SPOUT1: variants seen among roughly 807,000 people sequenced by gnomAD.
The protein encoded by SPOUT1 is SPOUT domain containing methyltransferase 1, also known as 28S rRNA (uridine-N(3))-methyltransferase.
Under a neutral mutation model 54.8 loss-of-function variants are expected in SPOUT1, and 40 were observed. The ratio of observed to expected loss-of-function variants is 0.73; its 90% CI spans 0.57 to 0.95. The LOEUF is 0.95. SPOUT1 is among the 40% of genes least tolerant of loss of function. The probability of loss-of-function intolerance (pLI) is 0.00; values close to 1 mark genes in which losing one functional copy is unlikely to be tolerated. For synonymous variants in SPOUT1, 193 were observed against 200.3 expected (o/e 0.96, Z 0.31); for missense variants, 437 against 499.5 (o/e 0.87, Z 1.19).
rs371997855 is a variant in SPOUT1, at chr9:128,822,691, C to T, written c.*74G>A. On this transcript the variant is annotated 3_prime_UTR_variant, in exon 12 of 12. Transcript: ENST00000361256. ...TGATTTTTGGAGACAAGTCTGGTGGCGTCCGTCCCAAGTGACCTGCAGAGC... is the reference window on the plus strand; with the variant it reads ...TGATTTTTGGAGACAAGTCTGGTGGTGTCCGTCCCAAGTGACCTGCAGAGC... 2.9e-5 allele frequency: 45 copies of T among 1,553,300 alleles called. No individual in the cohort carries two copies. The South Asian group carries it at 4.0e-4, about 14-fold the overall frequency.
rs753453349 is a variant in SPOUT1, at chr9:128,826,632, GGAGA to G, written c.369-7_369-4del. The G allele has an allele frequency of 3.2e-6, 5 of 1,546,558 alleles. No individual in the cohort carries two copies. Among genetic ancestry groups the G allele is most frequent in the Admixed American group, 3.8e-5 (2 of 52,026 alleles). ...CTGTGAATTCCCCCTCCACAGTCCT[GGAGA>G]GAGAGAGATGGGGGCTCAGGATCCA... On this transcript the variant is annotated splice_region_variant and splice_polypyrimidine_tract_variant and intron_variant, in intron 4 of 11. Coordinates refer to ENST00000361256, the MANE Select transcript of SPOUT1 (RefSeq NM_016390.4). This position sits in a 1 kb window ranked among gnomAD's most constrained non-coding sequence, Gnocchi z 5.5.
intron 11 of SPOUT1, 123 bp downstream of exon 11, chr9:128,823,624 G>A: frequency 3.6e-6 from 3 of 832,376 alleles, no homozygotes; most frequent in Non-Finnish European, 5.6e-6. Context: ...AGGGGGATGA[G>A]AGGACCACCT....
At position 128,822,584 on chromosome 9, in the gene SPOUT1, A is replaced by G; in HGVS notation, c.*181T>C. 1 of 1,569,968 alleles carries G rather than the reference A, an allele frequency of 6.4e-7. No individual in the cohort carries two copies. The highest frequency in any genetic ancestry group is 8.6e-7 in the Non-Finnish European group (1 of 1,157,418). ...CATCCTGGCGCGGGCAGGCAGCCTC[A>G]AGGCCATCACGGCGGGCAGTAAGTG... is the stretch of plus-strand genomic sequence containing the variant. On this transcript the variant is annotated 3_prime_UTR_variant, in exon 12 of 12. Coordinates refer to ENST00000361256, the MANE Select transcript of SPOUT1 (RefSeq NM_016390.4).
At chr9:128,823,636 C>T in intron 11 of SPOUT1, 111 bp downstream of exon 11, 1 of 979,192 alleles carries the variant, frequency 1.0e-6, no homozygotes, top group Non-Finnish European at 1.5e-6. Context: ...GGACCACCTC[C>T]AGACAAGGCA....
Position 128,829,772 on chromosome 9 carries a change from C to A in SPOUT1, c.9G>T (p.Glu3Asp), listed in dbSNP as rs1004569027. Reference protein sequence around the residue: MAERGRKRPCGPG... With the variant: MADRGRKRPCGPG... ...GGCCGCACGGCCGCTTCCTGCCGCG[C>A]TCCGCCATGTTCCGCACACACCGTC... The change falls in exon 1 of 12, where the codon GAG becomes GAT. Residue 3 changes from glutamate to aspartate, a missense_variant. Coordinates refer to ENST00000361256, the MANE Select transcript of SPOUT1 (RefSeq NM_016390.4). 3 of 1,602,564 alleles carry A rather than the reference C, an allele frequency of 1.9e-6. No individual in the cohort carries two copies. The highest frequency in any genetic ancestry group is 2.3e-5 in the East Asian group (1 of 44,326).
rs1209150458 is a variant in SPOUT1 at position 128,821,315 on chromosome 9, A to T, written c.*1450T>A. The T allele has an allele frequency of 1.2e-5, 1 of 86,454 alleles. No homozygotes were observed. Among genetic ancestry groups the T allele is most frequent in the African/African-American group, 5.5e-5 (1 of 18,332 alleles). The allele number at this position is 86,454 out of a possible 1,614,324, so 5.4% of individuals were successfully genotyped here. On this transcript the variant is annotated 3_prime_UTR_variant, in exon 12 of 12. Transcript: ENST00000361256. ...TGCACCGAGCTCTCCCGCCTTCCCC[A>T]TGCAGGTCCCCAGTGCACCGAGCTC... is the stretch of plus-strand genomic sequence containing the variant.
rs985456105 is a variant in SPOUT1, at chr9:128,821,256, C to T, written c.*1509G>A. 1 of 228,406 alleles carries T rather than the reference C, an allele frequency of 4.4e-6. No homozygotes were observed. Among genetic ancestry groups the T allele is most frequent in the Non-Finnish European group, 8.8e-6 (1 of 113,688 alleles). 14.1% of individuals were successfully genotyped at this position (228,406 alleles called of 1,614,324 possible). On this transcript the variant is annotated 3_prime_UTR_variant, in exon 12 of 12. Transcript: ENST00000361256. ...TTCCCCCTGCAGGTCTGCGGTGCAC[C>T]AAGCTCTCCCACCTTCCCTCTGCAG...
rs376469225 is a variant in SPOUT1, at chr9:128,829,734, C to T, written c.36+11G>A. On this transcript the variant is annotated intron_variant, in intron 1 of 11. Transcript: ENST00000361256. ...TGCTGCCCTGCACGGGGTCCCGCCG[C>T]CCGCACTTACCGGGCCGCACGGCCG... The T allele has an allele frequency of 5.6e-6, 9 of 1,596,158 alleles. No homozygotes were observed. In the African/African-American group the frequency reaches 8.0e-5, roughly 14 times the overall value.
intron 10 of SPOUT1, 41 bp from the exon 11 acceptor site, chr9:128,823,935 G>T: frequency 6.2e-7 from 1 of 1,608,024 alleles, no homozygotes; most frequent in African/African-American, 1.3e-5. Flanking sequence ...GGCCACCGAG[G>T]CCCCACCCAG....
At position 128,829,504 on chromosome 9, in the gene SPOUT1, G is replaced by A. The variant is rs114314617; in HGVS notation, c.36+241C>T. ...GGCTCCGGATTCAGCATCCGGAGGC[G>A]AGCAGGGTCCCGCCTCCGTAATCCA... On this transcript the variant is annotated intron_variant, in intron 1 of 11. Transcript: ENST00000361256. Among the ~76,000 whole-genome samples the A allele has an allele frequency of 4.5e-3, 688 of 152,320 alleles. 3 individuals are homozygous for A. Among genetic ancestry groups the A allele is most frequent in the African/African-American group, 0.015 (613 of 41,574 alleles).
At chr9:128,827,314 G>A (rs1589596171) in intron 3 of SPOUT1, 123 bp from the exon 4 acceptor site, 6 of 823,280 alleles carry the variant, frequency 7.3e-6, no homozygotes, top group African/African-American at 3.4e-5. Context: ...ATTTTGAGAT[G>A]AGCAAAATAG....
intron 3 of SPOUT1, among the ~76,000 whole-genome samples, chr9:128,827,589 C>T (rs1002622021): frequency 6.6e-6 from 1 of 152,278 alleles, no homozygotes; most frequent in Non-Finnish European, 1.5e-5. Context: ...TCCCCATTTA[C>T]AGACCAGGGG....
Position 128,822,169 on chromosome 9 carries a change from C to T in SPOUT1, c.*596G>A, listed in dbSNP as rs764522654. On this transcript the variant is annotated 3_prime_UTR_variant, in exon 12 of 12. Coordinates refer to ENST00000361256, the MANE Select transcript of SPOUT1 (RefSeq NM_016390.4). Reference sequence around the variant, plus strand: ...TTAACCACCCTGGAGAGAGTTCCAGCCTCAAGGAGGAGCCAGGCAGGCTAC... The same window carrying T: ...TTAACCACCCTGGAGAGAGTTCCAGTCTCAAGGAGGAGCCAGGCAGGCTAC... The T allele has an allele frequency of 3.7e-6, 3 of 817,928 alleles. No individual in the cohort carries two copies. The highest frequency in any genetic ancestry group is 3.7e-6 in the Non-Finnish European group (2 of 533,558). 50.7% of individuals were successfully genotyped at this position (817,928 alleles called of 1,614,324 possible).
intron 2 of SPOUT1, 106 bp from the exon 3 acceptor site, chr9:128,828,966 GC>G: frequency 6.4e-7 from 1 of 1,554,036 alleles, no homozygotes; most frequent in Non-Finnish European, 8.9e-7. Flanking sequence ...CAGCAAGGGA[GC>G]CTCCCCAGGG....
chr9:128,820,629 C>A lies in SPOUT1; in HGVS notation c.*2136G>T. ...TGAGCCTCAGTTTCCCCCCGCTTGTCTCACTGGATATCTCTGAGCCTGTCC... is the reference window on the plus strand; with the variant it reads ...TGAGCCTCAGTTTCCCCCCGCTTGTATCACTGGATATCTCTGAGCCTGTCC... On this transcript the variant is annotated 3_prime_UTR_variant, in exon 12 of 12. Coordinates refer to ENST00000361256, the MANE Select transcript of SPOUT1 (RefSeq NM_016390.4). 1 of 865,004 alleles carries A rather than the reference C, an allele frequency of 1.2e-6. No individual in the cohort carries two copies. The highest frequency in any genetic ancestry group is 1.8e-6 in the Non-Finnish European group (1 of 542,970). 53.6% of individuals were successfully genotyped at this position (865,004 alleles called of 1,614,324 possible).
rs1227120228 is a variant in SPOUT1, at chr9:128,822,511, G to A, written c.*254C>T. 1.9e-6 allele frequency: 3 copies of A among 1,561,048 alleles called. No homozygotes were observed. Among genetic ancestry groups the A allele is most frequent in the East Asian group, 2.4e-5 (1 of 41,904 alleles). On this transcript the variant is annotated 3_prime_UTR_variant, in exon 12 of 12. Transcript: ENST00000361256. The stretch of plus-strand genomic sequence containing the variant: ...CCATCCCACTGGAGCGCTTCCTGGT[G>A]CCCATCGAGAGCATTGAGCGGGCTT...
chr9:128,828,033 T>G (rs1258254905), intron 3 of SPOUT1, among the ~76,000 whole-genome samples: 1 of 152,274 alleles, frequency 6.6e-6, no homozygotes, highest in African/African-American at 2.4e-5. Flanking sequence ...TTGGACAAGC[T>G]TTTGCTACAA....
chr9:128,821,383 C>T lies in SPOUT1; in HGVS notation c.*1382G>A, dbSNP rs533080695. 6 of 169,678 alleles carry T rather than the reference C, an allele frequency of 3.5e-5. No individual in the cohort carries two copies. The highest frequency in any genetic ancestry group is 1.9e-4 in the Admixed American group (3 of 16,082). 10.5% of individuals were successfully genotyped at this position (169,678 alleles called of 1,614,324 possible). ...AGGTCCCCAGTGCACCGAGCTCTCCCGCCTTCCCCATGCAGGTCCCCAGTG... is the reference window on the plus strand; with the variant it reads ...AGGTCCCCAGTGCACCGAGCTCTCCTGCCTTCCCCATGCAGGTCCCCAGTG... On this transcript the variant is annotated 3_prime_UTR_variant, in exon 12 of 12. Coordinates refer to ENST00000361256, the MANE Select transcript of SPOUT1 (RefSeq NM_016390.4).
chr9:128,821,745 C>A lies in SPOUT1; in HGVS notation c.*1020G>T. 6.2e-6 allele frequency: 1 copy of A among 161,540 alleles called. No homozygotes were observed. Among genetic ancestry groups the A allele is most frequent in the South Asian group, 1.7e-4 (1 of 5,844 alleles). The allele number at this position is 161,540 out of a possible 1,614,324, so 10.0% of individuals were successfully genotyped here. On this transcript the variant is annotated 3_prime_UTR_variant, in exon 12 of 12. Transcript: ENST00000361256. ...TTCCTTGGTGCTGTGGGCAAATGAC[C>A]TGTGTCCCCCTCTGCAAAACCTGTG... is the stretch of plus-strand genomic sequence containing the variant.
Sources: gnomAD v4.1 joint callset for allele counts (sites outside exome capture counted in the v4.1 genomes callset) on GRCh38, gnomAD v4.1.1 for gene constraint, Gnocchi (gnomAD v3.1) non-coding constraint, MANE v1.5 for transcripts, NCBI Gene and HGNC (gene_info 2026-07-23, HGNC 2026-07-21) for gene names.